Variants in PLAG1 observed in about 807,000 individuals in gnomAD.
PLAG1 encodes the protein PLAG1 zinc finger.
In PLAG1, 7 loss-of-function variants were observed where a neutral mutation model predicts 35.5. The ratio of observed to expected loss-of-function variants is 0.20; its 90% CI spans 0.11 to 0.37. The LOEUF (loss-of-function observed/expected upper bound fraction) is 0.37, where lower values mean the gene tolerates loss of function less well. PLAG1 is among the 10% of genes least tolerant of loss of function. The pLI is 1.00. For synonymous variants in PLAG1, 229 were observed against 225.4 expected, an observed-to-expected ratio of 1.02 and a Z score of -0.14; for missense variants, 454 against 602.8, an observed-to-expected ratio of 0.75 and a Z score of 2.58.
In PLAG1 at chr8:56,164,346, T is replaced by C. The variant is rs1811292967; in HGVS notation, c.*1897A>G. The C allele has an allele frequency of 1.4e-5, 3 of 218,556 alleles. No homozygotes were observed. Among genetic ancestry groups the C allele is most frequent in the Admixed American group, 5.8e-5 (1 of 17,262 alleles). 13.5% of individuals were successfully genotyped at this position (218,556 alleles called of 1,614,324 possible). A position where few individuals can be genotyped will look rare whatever the true frequency, so the allele number is the denominator to read the frequency against. On this transcript the variant is annotated 3_prime_UTR_variant, in exon 5 of 5. Transcript: ENST00000316981. ...TGTGTGTGTGTGTGTGTATTATATA[T>C]ATATATTGAAGCCCCCATTTACATT...
At chr8:56,190,174 GCACATAA>G (rs1222664959) in intron 1 of PLAG1, among the ~76,000 whole-genome samples, 5 of 152,202 alleles carry the variant, frequency 3.3e-5, no homozygotes, top group South Asian at 2.1e-4. Context: ...TGCATGTAAG[GCACATAA>G]CACAGTGAGT....
rs1227336889 is a variant in PLAG1 at position 56,196,987 on chromosome 8, T to TGTGC, written c.-322+14133_-322+14134insGCAC. The stretch of plus-strand genomic sequence containing the variant: ...GTGTGTGTGTGTGTGTGTGTGTGTG[T>TGTGC]GCTCCTCTCTCCCCTCCAGGGCTGT... On this transcript the variant is annotated intron_variant, in intron 1 of 4. Transcript: ENST00000316981. 8.9e-3 allele frequency among the ~76,000 whole-genome samples: 1,326 copies of TGTGC among 149,518 alleles called. 10 individuals are homozygous for TGTGC. Among genetic ancestry groups the TGTGC allele is most frequent in the Middle Eastern group, 0.024 (7 of 288 alleles).
chr8:56,161,265 A>C lies in PLAG1; in HGVS notation c.*4978T>G, dbSNP rs1259888350. 9.8e-6 allele frequency: 2 copies of C among 204,750 alleles called. No homozygotes were observed. The highest frequency in any genetic ancestry group is 1.0e-5 in the Non-Finnish European group (1 of 99,764). The allele number at this position is 204,750 out of a possible 1,614,324, so 12.7% of individuals were successfully genotyped here. On this transcript the variant is annotated 3_prime_UTR_variant, in exon 5 of 5. Coordinates refer to ENST00000316981, the MANE Select transcript of PLAG1 (RefSeq NM_002655.3). ...TGATTTCCCAATATTACAGAATAGC[A>C]ATTTTAAATGCAATAAAAATATACA...
At position 56,166,633 on chromosome 8, in the gene PLAG1, G is replaced by A; in HGVS notation, c.1113C>T (p.Ser371=). 6.2e-7 allele frequency: 1 copy of A among 1,614,040 alleles called. No individual in the cohort carries two copies. Among genetic ancestry groups the A allele is most frequent in the Non-Finnish European group, 8.5e-7 (1 of 1,179,994 alleles). The change falls in exon 5 of 5, where the codon TCC becomes TCT. Residue 371 remains serine, a synonymous_variant. Coordinates refer to ENST00000316981, the MANE Select transcript of PLAG1 (RefSeq NM_002655.3). Reference sequence around the variant, plus strand: ...ATGATGACGATGCTTGAGAATCTTGGGATGAAGAGGGCACGCCACCTTGTA... The same window carrying A: ...ATGATGACGATGCTTGAGAATCTTGAGATGAAGAGGGCACGCCACCTTGTA... The part of the protein sequence containing the change: ...MELQGGVPSS[S]QDSQASSSSK...
At chr8:56,188,877 T>C (rs1266355061) in intron 1 of PLAG1, among the ~76,000 whole-genome samples, 1 of 152,120 alleles carries the variant, frequency 6.6e-6, no homozygotes, top group Non-Finnish European at 1.5e-5. Context: ...AAATGAAACG[T>C]GTGGGGATAA....
In PLAG1 at chr8:56,167,814, C is replaced by T. The variant is rs928376676; in HGVS notation, c.242+214G>A. Among the ~76,000 whole-genome samples the T allele has an allele frequency of 1.3e-5, 2 of 152,188 alleles. No homozygotes were observed. The highest frequency in any genetic ancestry group is 2.4e-5 in the African/African-American group (1 of 41,454). ...TTTCTTTCTACAAATGGAAATTCTACTCATTAAGCATTTTATTTTAAAAAG... is the reference window on the plus strand; with the variant it reads ...TTTCTTTCTACAAATGGAAATTCTATTCATTAAGCATTTTATTTTAAAAAG... On this transcript the variant is annotated intron_variant, in intron 4 of 4. Transcript: ENST00000316981. The surrounding 1 kb of genome is among the most constrained non-coding windows in gnomAD (Gnocchi z 5.9).
chr8:56,209,078 A>G (rs145050009), intron 1 of PLAG1, among the ~76,000 whole-genome samples: 134 of 152,336 alleles, frequency 8.8e-4, no homozygotes, highest in African/African-American at 3.1e-3. Context: ...AATGTACCTT[A>G]AGCCAAATTG....
intron 1 of PLAG1, among the ~76,000 whole-genome samples, chr8:56,188,902 T>C (rs1812096304): frequency 6.6e-6 from 1 of 152,124 alleles, no homozygotes; most frequent in Non-Finnish European, 1.5e-5. Context: ...AAACTATGGA[T>C]CAATCCATGC....
chr8:56,178,829 C>G (rs1367716279), intron 2 of PLAG1, among the ~76,000 whole-genome samples: 1 of 151,942 alleles, frequency 6.6e-6, no homozygotes, highest in Admixed American at 6.6e-5. Context: ...TATTGCTACA[C>G]CTTGATTCTG....
chr8:56,181,936 A>AGT (rs1006948556), intron 1 of PLAG1, among the ~76,000 whole-genome samples: 3 of 152,162 alleles, frequency 2.0e-5, no homozygotes, highest in African/African-American at 7.2e-5. Flanking sequence ...CAAAGAAAAA[A>AGT]GTGTGTGTGT....
chr8:56,175,140 G>A (rs1407291180), intron 2 of PLAG1, among the ~76,000 whole-genome samples: 2 of 152,178 alleles, frequency 1.3e-5, no homozygotes, highest in Non-Finnish European at 2.9e-5. Context: ...TATTTGAAAA[G>A]TCTTAGATTA....
chr8:56,179,444 T>G lies in PLAG1; in HGVS notation c.-252A>C. ...GCTCCAAACTCTAGCAAGGCAACCT[T>G]ATTAATAGACCGTCACAGAATGAAG... On this transcript the variant is annotated 5_prime_UTR_variant, in exon 2 of 5. Transcript: ENST00000316981. 1.0e-6 allele frequency: 1 copy of G among 973,780 alleles called. No individual in the cohort carries two copies. The highest frequency in any genetic ancestry group is 1.2e-6 in the Non-Finnish European group (1 of 818,908). 60.3% of individuals were successfully genotyped at this position (973,780 alleles called of 1,614,324 possible).
At chr8:56,196,947 TGTGC>T (rs1554537771) in intron 1 of PLAG1, among the ~76,000 whole-genome samples, 2,249 of 99,412 alleles carry the variant, frequency 0.023, 22 homozygotes, top group African/African-American at 0.028. Context: ...CCCTCCCTAG[TGTGC>T]GTGTGTGTGT....
chr8:56,173,265 T>C (rs1424862378), intron 2 of PLAG1, among the ~76,000 whole-genome samples: 3 of 152,152 alleles, frequency 2.0e-5, no homozygotes, highest in African/African-American at 4.8e-5. Flanking sequence ...CCAATCATTT[T>C]ATTTTATCCC....
intron 1 of PLAG1, among the ~76,000 whole-genome samples, chr8:56,190,178 A>G (rs546095485): frequency 6.6e-6 from 1 of 152,354 alleles, no homozygotes; most frequent in South Asian, 2.1e-4. Context: ...TGTAAGGCAC[A>G]TAACACAGTG....
Position 56,163,657 on chromosome 8 carries a change from G to A in PLAG1, c.*2586C>T, listed in dbSNP as rs1214721809. On this transcript the variant is annotated 3_prime_UTR_variant, in exon 5 of 5. Coordinates refer to ENST00000316981, the MANE Select transcript of PLAG1 (RefSeq NM_002655.3). The stretch of plus-strand genomic sequence containing the variant: ...GAATTTCATGCAGGGCAAGATTTAA[G>A]TATGTGTGTGTGTGTGTATATATAC... The A allele has an allele frequency of 2.6e-5, 5 of 189,838 alleles. No individual in the cohort carries two copies. Among genetic ancestry groups the A allele is most frequent in the Non-Finnish European group, 1.1e-5 (1 of 91,468 alleles). 11.8% of individuals were successfully genotyped at this position (189,838 alleles called of 1,614,324 possible).
chr8:56,210,809 T>C (rs1238865220), intron 1 of PLAG1, among the ~76,000 whole-genome samples: 1 of 151,202 alleles, frequency 6.6e-6, no homozygotes, highest in Admixed American at 6.6e-5. Context: ...TTTTCAAACT[T>C]TCCAGACCCT....
At chr8:56,185,327 C>T (rs1034622076) in intron 1 of PLAG1, among the ~76,000 whole-genome samples, 3 of 152,124 alleles carry the variant, frequency 2.0e-5, no homozygotes, top group African/African-American at 7.2e-5. Context: ...TATGTGAAAA[C>T]TGCAAGCACC....
rs188246166 is a variant in PLAG1 at position 56,167,606 on chromosome 8, T to G, written c.243-103A>C. The G allele has an allele frequency of 2.1e-5, 15 of 712,616 alleles. No individual in the cohort carries two copies. In the African/African-American group the frequency reaches 2.3e-4, roughly 11 times the overall value. The allele number at this position is 712,616 out of a possible 1,614,324, so 44.1% of individuals were successfully genotyped here. A position where few individuals can be genotyped will look rare whatever the true frequency, so the allele number is the denominator to read the frequency against. On this transcript the variant is annotated intron_variant, in intron 4 of 4. Coordinates refer to ENST00000316981, the MANE Select transcript of PLAG1 (RefSeq NM_002655.3). This position sits in a 1 kb window ranked among gnomAD's most constrained non-coding sequence, Gnocchi z 5.9. ...CTACTATGCTAACACAGAATTCCCT[T>G]AGTAATGGAAACTGTTTAACTTAAT...
Sources: allele counts gnomAD v4.1 joint callset (sites outside exome capture counted in the v4.1 genomes callset), GRCh38; gene constraint gnomAD v4.1.1; non-coding constraint Gnocchi (gnomAD v3.1); transcripts MANE v1.5; gene names NCBI Gene and HGNC (gene_info 2026-07-23, HGNC 2026-07-21).